IL1RAP: variants seen among roughly 807,000 people sequenced by gnomAD.
IL1RAP encodes interleukin-1 receptor accessory protein.
In IL1RAP, 35 loss-of-function variants were observed where a neutral mutation model predicts 60.7. The ratio of observed to expected loss-of-function variants is 0.58; its 90% confidence interval spans 0.44 to 0.76. The LOEUF is 0.76. IL1RAP is among the 30% of genes least tolerant of loss of function. The pLI is 0.00. For synonymous variants in IL1RAP, 268 were observed against 250.9 expected, an observed-to-expected ratio of 1.07 and a Z score of -0.64; for missense variants, 572 against 693.9, an observed-to-expected ratio of 0.82 and a Z score of 1.97.
At chr3:190,622,192 T>A (rs1227283591) in intron 6 of IL1RAP, among the ~76,000 whole-genome samples, 1 of 152,238 alleles carries the variant, frequency 6.6e-6, no homozygotes, top group Non-Finnish European at 1.5e-5. Context: ...ATAAGACATC[T>A]ATCTCATGTA....
intron 1 of IL1RAP, among the ~76,000 whole-genome samples, chr3:190,517,221 C>T (rs570555666): frequency 6.6e-6 from 1 of 152,224 alleles, no homozygotes; most frequent in East Asian, 1.9e-4. Flanking sequence ...ACCTTTGATT[C>T]CTAAGAGAAA....
rs1383723273 is a variant in IL1RAP at position 190,629,362 on chromosome 3, T to C, written c.915T>C (p.Ser305=). Residue 305 remains serine (S), a synonymous_variant, in exon 9 of 12, where the codon AGT becomes AGC. Transcript: ENST00000447382. ...DVTINESISH[S]RTEDETRTQI... ...TCTCTATTTCTAGTATAAGTCATAG[T>C]AGAACAGAAGATGAAACAAGAACTC... is the stretch of plus-strand genomic sequence containing the variant. The C allele has an allele frequency of 1.2e-6, 2 of 1,608,096 alleles. No homozygotes were observed. The highest frequency in any genetic ancestry group is 2.2e-5 in the South Asian group (2 of 90,550).
intron 1 of IL1RAP, among the ~76,000 whole-genome samples, chr3:190,520,303 A>G (rs568883521): frequency 6.6e-6 from 1 of 152,244 alleles, no homozygotes; most frequent in South Asian, 2.1e-4. Context: ...GACTTTCTGG[A>G]TTTCTCGTGC....
chr3:190,561,193 C>G, intron 2 of IL1RAP, among the ~76,000 whole-genome samples: 1 of 152,128 alleles, frequency 6.6e-6, no homozygotes, highest in East Asian at 1.9e-4. Flanking sequence ...CCCTCTCACT[C>G]TAAGACGCAA....
At chr3:190,638,938 G>T (rs1476271159) in intron 9 of IL1RAP, among the ~76,000 whole-genome samples, 1 of 151,922 alleles carries the variant, frequency 6.6e-6, no homozygotes, top group Non-Finnish European at 1.5e-5. Flanking sequence ...TTGTCTCCTG[G>T]CTAATATTAT....
intron 1 of IL1RAP, among the ~76,000 whole-genome samples, chr3:190,549,110 G>A (rs1724630861): frequency 6.6e-6 from 1 of 152,130 alleles, no homozygotes; most frequent in Non-Finnish European, 1.5e-5. Flanking sequence ...GAAAAAAAGG[G>A]AAACAGGGAC....
In IL1RAP at chr3:190,648,482, A is replaced by G. The variant is rs762709976; in HGVS notation, c.1490A>G (p.Asn497Ser). Reference protein sequence around the residue: ...LENMASRGNINVILVQYKAVK... With the variant: ...LENMASRGNISVILVQYKAVK... ...AATATGGCCTCTCGGGGCAACATCAACGTCATTTTAGTACAGTACAAAGCT... is the reference window on the plus strand; with the variant it reads ...AATATGGCCTCTCGGGGCAACATCAGCGTCATTTTAGTACAGTACAAAGCT... The change falls in exon 12 of 12, where the codon AAC becomes AGC. Residue 497 changes from asparagine (N) to serine (S), a missense_variant. Asn to Ser is a conservative substitution (Grantham distance 46). Transcript: ENST00000447382. 13 of 1,614,134 alleles carry G rather than the reference A, an allele frequency of 8.1e-6. No individual in the cohort carries two copies. The highest frequency in any genetic ancestry group is 7.7e-5 in the South Asian group (7 of 91,082).
rs868221266 is a variant in IL1RAP, at chr3:190,559,216, G to A, written c.-2+3000G>A. ...GCCTTATTACCATTTGAATATCTCC[G>A]TGATCACTAGTCATGTCCCATCATT... On this transcript the variant is annotated intron_variant, in intron 2 of 11. Transcript: ENST00000447382. 9.9e-5 allele frequency among the ~76,000 whole-genome samples: 15 copies of A among 152,096 alleles called. No individual in the cohort carries two copies. In the South Asian group the frequency reaches 1.4e-3, roughly 15 times the overall value.
intron 5 of IL1RAP, among the ~76,000 whole-genome samples, chr3:190,613,513 G>A (rs1731001990): frequency 6.6e-6 from 1 of 152,154 alleles, no homozygotes; most frequent in African/African-American, 2.4e-5. Flanking sequence ...GCCATACTCT[G>A]GAGATACTAT....
intron 3 of IL1RAP, among the ~76,000 whole-genome samples, chr3:190,564,924 A>T (rs768926715): frequency 6.6e-6 from 1 of 152,140 alleles, no homozygotes; most frequent in Non-Finnish European, 1.5e-5. Context: ...GTGAAATTAG[A>T]TATGGAAGAG....
intron 7 of IL1RAP, among the ~76,000 whole-genome samples, chr3:190,623,763 G>A (rs896866594): frequency 6.6e-6 from 1 of 152,174 alleles, no homozygotes; most frequent in Non-Finnish European, 1.5e-5. Flanking sequence ...TCAAGCTCCT[G>A]CTCCATTATG....
Position 190,593,522 on chromosome 3 carries a change from G to T in IL1RAP, c.65-10606G>T, listed in dbSNP as rs1182276963. On this transcript the variant is annotated intron_variant, in intron 3 of 11. Transcript: ENST00000447382. ...ACTGGGCAATTTATAAAGGAAAGAG[G>T]TTTAGTTGACTCCAGTTCCACATGG... Among the ~76,000 whole-genome samples, 4 of 152,294 alleles carry T rather than the reference G, an allele frequency of 2.6e-5. No individual in the cohort carries two copies. In the East Asian group the frequency reaches 7.7e-4, roughly 29 times the overall value.
rs79141302 is a variant in IL1RAP at position 190,515,484 on chromosome 3, G to A, written c.-89+1265G>A. On this transcript the variant is annotated intron_variant, in intron 1 of 11. Coordinates refer to ENST00000447382, the MANE Select transcript of IL1RAP (RefSeq NM_002182.4). ...CATTTTAAAAAAATCTGTAAATGTG[G>A]TGTCTTTCTTCTTTTGAATTTGAGC... Among the ~76,000 whole-genome samples, 862 of 152,114 alleles carry A rather than the reference G, an allele frequency of 5.7e-3. 10 individuals are homozygous for A. The highest frequency in any genetic ancestry group is 8.2e-3 in the Non-Finnish European group (560 of 68,010).
chr3:190,564,318 T>C lies in IL1RAP; in HGVS notation c.29T>C (p.Leu10Pro). MTLLWCVVS[L>P]YFYGILQSDA... ...ACACTTCTGTGGTGTGTAGTGAGTCTCTACTTTTATGGAATCCTGCAAAGT... is the reference window on the plus strand; with the variant it reads ...ACACTTCTGTGGTGTGTAGTGAGTCCCTACTTTTATGGAATCCTGCAAAGT... Residue 10 changes from leucine to proline, a missense_variant, in exon 3 of 12, where the codon CTC becomes CCC. By Grantham distance (98) the Leu-to-Pro change is moderately conservative. Transcript: ENST00000447382. 2 of 1,612,280 alleles carry C rather than the reference T, an allele frequency of 1.2e-6. No homozygotes were observed. The highest frequency in any genetic ancestry group is 1.7e-6 in the Non-Finnish European group (2 of 1,178,470).
intron 2 of IL1RAP, among the ~76,000 whole-genome samples, chr3:190,562,094 A>G (rs1725936023): frequency 1.3e-5 from 2 of 152,090 alleles, no homozygotes; most frequent in Admixed American, 6.5e-5. Context: ...TTTTTCTAAA[A>G]CCTTGTGCTT....
chr3:190,622,902 C>A (rs942961862), intron 6 of IL1RAP, among the ~76,000 whole-genome samples: 1 of 152,188 alleles, frequency 6.6e-6, no homozygotes, highest in Admixed American at 6.5e-5. Flanking sequence ...TGTTAATCAT[C>A]TATGGTCTTT....
chr3:190,653,565 G>GAAAAAA (rs201568842), downstream of IL1RAP, among the ~76,000 whole-genome samples: 1 of 144,882 alleles, frequency 6.9e-6, no homozygotes, highest in African/African-American at 2.5e-5. Context: ...ATCCAGAGGA[G>GAAAAAA]AAAAAAAAAA....
chr3:190,514,504 T>C (rs1360547981), intron 1 of IL1RAP, among the ~76,000 whole-genome samples: 1 of 152,076 alleles, frequency 6.6e-6, no homozygotes. Context: ...TTGAGGGGTC[T>C]ACCCTTGTTT....
intron 1 of IL1RAP, among the ~76,000 whole-genome samples, chr3:190,542,867 A>C (rs1724053736): frequency 6.8e-6 from 1 of 147,498 alleles, no homozygotes; most frequent in Admixed American, 7.0e-5. Context: ...AACATACACA[A>C]AGATTAAGGG....
Sources: gnomAD v4.1 joint callset for allele counts (sites outside exome capture counted in the v4.1 genomes callset) on GRCh38, gnomAD v4.1.1 for gene constraint, MANE v1.5 for transcripts, NCBI Gene and HGNC (gene_info 2026-07-23, HGNC 2026-07-21) for gene names.